Variants in TMEM11 observed in about 807,000 individuals in gnomAD.
TMEM11 encodes transmembrane protein 11, also known as transmembrane protein 11, mitochondrial.
Under a neutral mutation model 17.0 loss-of-function variants are expected in TMEM11, and 1 was observed. That is an observed-to-expected ratio of 0.06 (90% CI 0.02 to 0.28). The LOEUF is 0.28. TMEM11 is among the 10% of genes least tolerant of loss of function. The pLI is 1.00. For synonymous variants in TMEM11, 122 were observed against 118.1 expected (o/e 1.03, Z -0.21); for missense variants, 172 against 252.9 (o/e 0.68, Z 2.17).
intron 1 of TMEM11, among the ~76,000 whole-genome samples, chr17:21,204,435 TAAAA>T (rs71160127): frequency 0.14 from 13,527 of 96,738 alleles, 224 homozygotes; most frequent in Middle Eastern, 0.23. Context: ...TCCGTCTCAA[TAAAA>T]AAAAAAAAAA....
chr17:21,203,515 G>A (rs1417826560), intron 1 of TMEM11, among the ~76,000 whole-genome samples: 1 of 152,006 alleles, frequency 6.6e-6, no homozygotes, highest in Non-Finnish European at 1.5e-5. Flanking sequence ...TCAGGAGTTC[G>A]AGACCAGCCT....
rs761700711 is a variant in TMEM11 at position 21,198,648 on chromosome 17, G to A, written c.255C>T (p.Ala85=). 20 of 1,614,054 alleles carry A rather than the reference G, an allele frequency of 1.2e-5. No homozygotes were observed. Among genetic ancestry groups the A allele is most frequent in the African/African-American group, 1.1e-4 (8 of 75,056 alleles). Residue 85 remains alanine, a synonymous_variant, in exon 2 of 2, where the codon GCC becomes GCT. Coordinates refer to ENST00000317635, the MANE Select transcript of TMEM11 (RefSeq NM_003876.3). This position sits in a 1 kb window ranked among gnomAD's most constrained non-coding sequence, Gnocchi z 6.5. ...AGAGGCAGGCGGTGCCCGCCAGCAC[G>A]GCCGTCTTGTGCAGGCAGTTGCCCA... ...ITVGNCLHKT[A]VLAGTACLFT...
intron 1 of TMEM11, among the ~76,000 whole-genome samples, chr17:21,201,918 C>T (rs1974886837): frequency 6.6e-6 from 1 of 152,258 alleles, no homozygotes; most frequent in Non-Finnish European, 1.5e-5. Flanking sequence ...CAGGCATGAG[C>T]TACCGCATCC....
intron 1 of TMEM11, among the ~76,000 whole-genome samples, chr17:21,206,551 GT>G (rs1470073951): frequency 3.3e-5 from 5 of 151,642 alleles, no homozygotes; most frequent in African/African-American, 1.2e-4. Flanking sequence ...TATTTATTTT[GT>G]GGAGACGGAG....
chr17:21,211,350 T>A, intron 1 of TMEM11: 2 of 698,424 alleles, frequency 2.9e-6, no homozygotes, highest in Non-Finnish European at 4.3e-6. Context: ...GTGATGGAAA[T>A]GTCCTCCACC....
chr17:21,210,002 C>T (rs536923406), intron 1 of TMEM11, among the ~76,000 whole-genome samples: 6 of 152,276 alleles, frequency 3.9e-5, no homozygotes, highest in South Asian at 4.1e-4. Context: ...AGGAGGTTCC[C>T]GGGTGTGCTC....
chr17:21,213,946 G>A (rs1975032631), intron 1 of TMEM11, 145 bp downstream of exon 1: 1 of 777,116 alleles, frequency 1.3e-6, no homozygotes, highest in Non-Finnish European at 2.0e-6. Context: ...CGGATCCTCC[G>A]GAACTGGAAC....
intron 1 of TMEM11, chr17:21,213,613 C>A (rs1325982190): frequency 6.3e-6 from 1 of 159,686 alleles, no homozygotes; most frequent in Admixed American, 6.3e-5. Flanking sequence ...ACGTGCAGAT[C>A]AAACTACCCC....
In TMEM11 at chr17:21,198,278, C is replaced by T; in HGVS notation, c.*46G>A. On this transcript the variant is annotated 3_prime_UTR_variant, in exon 2 of 2. Coordinates refer to ENST00000317635, the MANE Select transcript of TMEM11 (RefSeq NM_003876.3). This position sits in a 1 kb window ranked among gnomAD's most constrained non-coding sequence, Gnocchi z 6.5. ...TGTGGCGATCTGAATACTCTGTTGT[C>T]TCTTGTGGGCCGGGTGGTTTTGCTT... 6.4e-7 allele frequency: 1 copy of T among 1,573,768 alleles called. No homozygotes were observed. The highest frequency in any genetic ancestry group is 8.7e-7 in the Non-Finnish European group (1 of 1,156,024).
chr17:21,200,166 T>C (rs887909565), intron 1 of TMEM11, among the ~76,000 whole-genome samples: 6 of 152,368 alleles, frequency 3.9e-5, no homozygotes, highest in African/African-American at 7.2e-5. Flanking sequence ...GCAGTGACCG[T>C]GGGCCAAGCT....
At chr17:21,209,660 T>A (rs866250544) in intron 1 of TMEM11, among the ~76,000 whole-genome samples, 1 of 151,980 alleles carries the variant, frequency 6.6e-6, no homozygotes, top group Non-Finnish European at 1.5e-5. Context: ...TCCCAGCTAC[T>A]CGGGAGGCTG....
chr17:21,210,856 A>T (rs1974995664), intron 1 of TMEM11: 4 of 1,201,988 alleles, frequency 3.3e-6, no homozygotes, highest in Middle Eastern at 3.7e-4. Flanking sequence ...AGGTTGCCTC[A>T]TATCATGCTC....
Position 21,198,058 on chromosome 17 carries a change from T to G in TMEM11, c.*266A>C. On this transcript the variant is annotated 3_prime_UTR_variant, in exon 2 of 2. Coordinates refer to ENST00000317635, the MANE Select transcript of TMEM11 (RefSeq NM_003876.3). The surrounding 1 kb of genome is among the most constrained non-coding windows in gnomAD (Gnocchi z 6.5). The stretch of plus-strand genomic sequence containing the variant: ...TCCCCCAAAGCACGTCCACACCCCC[T>G]CGGCAGCGTCTGCCTCCATCAGCAT... 2.2e-6 allele frequency: 1 copy of G among 444,458 alleles called. No homozygotes were observed. Among genetic ancestry groups the G allele is most frequent in the East Asian group, 3.7e-5 (1 of 27,076 alleles). The allele number at this position is 444,458 out of a possible 1,614,324, so 27.5% of individuals were successfully genotyped here.
intron 1 of TMEM11, among the ~76,000 whole-genome samples, chr17:21,202,879 C>T (rs948516073): frequency 2.6e-5 from 4 of 152,222 alleles, no homozygotes; most frequent in Non-Finnish European, 5.9e-5. Context: ...GAGATGGTGG[C>T]GTGGGTCTGC....
intron 1 of TMEM11, among the ~76,000 whole-genome samples, chr17:21,208,814 C>A (rs1041187750): frequency 6.6e-6 from 1 of 152,134 alleles, no homozygotes; most frequent in Non-Finnish European, 1.5e-5. Context: ...GTTGGAGGGA[C>A]ATTTGTAATG....
rs1036166007 is a variant in TMEM11 at position 21,210,478 on chromosome 17, A to G, written c.62+3613T>C. Among the ~76,000 whole-genome samples, 6 of 152,194 alleles carry G rather than the reference A, an allele frequency of 3.9e-5. No homozygotes were observed. The South Asian group carries it at 6.2e-4, about 16-fold the overall frequency. ...CCGCCACACACAAAAGCAAGCATGG[A>G]GTCTTTCAAGAGAGATTAAATACTC... On this transcript the variant is annotated intron_variant, in intron 1 of 1. Coordinates refer to ENST00000317635, the MANE Select transcript of TMEM11 (RefSeq NM_003876.3).
intron 1 of TMEM11, among the ~76,000 whole-genome samples, chr17:21,207,852 C>T (rs1974959707): frequency 6.6e-6 from 1 of 151,868 alleles, no homozygotes; most frequent in Non-Finnish European, 1.5e-5. Context: ...CACACCACTG[C>T]ACTCCAGCCA....
chr17:21,198,891 T>A lies in TMEM11; in HGVS notation c.63-51A>T, dbSNP rs1311336964. 6.4e-7 allele frequency: 1 copy of A among 1,561,904 alleles called. No individual in the cohort carries two copies. ...GAGAGAGAGAGAGAGACAGGATGAT[T>A]AGGCTGAGGAGCACTTAACTGTGTT... On this transcript the variant is annotated intron_variant, in intron 1 of 1. Coordinates refer to ENST00000317635, the MANE Select transcript of TMEM11 (RefSeq NM_003876.3). The surrounding 1 kb of genome is among the most constrained non-coding windows in gnomAD (Gnocchi z 6.5).
rs749474774 is a variant in TMEM11, at chr17:21,198,471, C to T, written c.432G>A (p.Ser144=). Residue 144 remains serine, a synonymous_variant, in exon 2 of 2, where the codon TCG becomes TCA. Transcript: ENST00000317635. This position sits in a 1 kb window ranked among gnomAD's most constrained non-coding sequence, Gnocchi z 6.5. ...AGGTGAGTGTGTGCAGAGGCAGGCGCGACAGTTTATAGGCGTCGTACTCCA... is the reference window on the plus strand; with the variant it reads ...AGGTGAGTGTGTGCAGAGGCAGGCGTGACAGTTTATAGGCGTCGTACTCCA... The part of the protein sequence containing the change: ...YQVEYDAYKL[S]RLPLHTLTSS... 22 of 1,614,050 alleles carry T rather than the reference C, an allele frequency of 1.4e-5. No individual in the cohort carries two copies. Among genetic ancestry groups the T allele is most frequent in the East Asian group, 6.7e-5 (3 of 44,902 alleles).
Sources: gnomAD v4.1 joint callset for allele counts (sites outside exome capture counted in the v4.1 genomes callset) on GRCh38, gnomAD v4.1.1 for gene constraint, Gnocchi (gnomAD v3.1) non-coding constraint, MANE v1.5 for transcripts, NCBI Gene and HGNC (gene_info 2026-07-23, HGNC 2026-07-21) for gene names.